ITM2C: variants seen among roughly 807,000 people sequenced by gnomAD.
ITM2C encodes the protein BRICHOS domain containing 2C.
A neutral mutation model predicts 30.0 loss-of-function variants in ITM2C; 20 were observed. The observed-to-expected ratio is 0.67, with a 90% CI of 0.47 to 0.97. The LOEUF is 0.97. Ranked by LOEUF, ITM2C falls within the 50% of genes least tolerant of loss-of-function variation. The pLI is 0.00. For synonymous variants in ITM2C, 167 were observed against 156.4 expected (o/e 1.07, Z -0.51); for missense variants, 366 against 371.9 (o/e 0.98, Z 0.13).
intron 2 of ITM2C, 55 bp from the exon 3 acceptor site, chr2:230,875,565 A>G: frequency 6.8e-7 from 1 of 1,470,840 alleles, no homozygotes; most frequent in Non-Finnish European, 9.2e-7. Flanking sequence ...GGCCTTACGG[A>G]GTGCGTGTAT....
At chr2:230,873,077 G>A (rs1697204651) in intron 1 of ITM2C, among the ~76,000 whole-genome samples, 1 of 151,978 alleles carries the variant, frequency 6.6e-6, no homozygotes, top group Non-Finnish European at 1.5e-5. Flanking sequence ...ATATACCACG[G>A]TCACGGCTGG....
intron 1 of ITM2C, among the ~76,000 whole-genome samples, chr2:230,870,414 AG>A (rs1190660203): frequency 6.6e-6 from 1 of 152,100 alleles, no homozygotes; most frequent in Non-Finnish European, 1.5e-5. Flanking sequence ...GGTGCCTCTG[AG>A]GGTTTGGCTC....
intron 2 of ITM2C, among the ~76,000 whole-genome samples, chr2:230,874,066 G>A (rs1697231904): frequency 6.6e-6 from 1 of 152,208 alleles, no homozygotes; most frequent in African/African-American, 2.4e-5. Flanking sequence ...GGGGACCTGG[G>A]CACAAAGCTG....
chr2:230,873,294 C>T (rs1697210351), intron 1 of ITM2C, 123 bp from the exon 2 acceptor site: 3 of 982,972 alleles, frequency 3.1e-6, no homozygotes, highest in Non-Finnish European at 4.2e-6. Context: ...GTGTCATCTC[C>T]TTCCCTCCCT....
intron 1 of ITM2C, among the ~76,000 whole-genome samples, chr2:230,871,593 AC>A (rs1351217077): frequency 6.6e-6 from 1 of 152,068 alleles, no homozygotes; most frequent in Non-Finnish European, 1.5e-5. Context: ...TGATCACGGG[AC>A]CCCTAAAGCA....
chr2:230,877,366 G>T lies in ITM2C; in HGVS notation c.562-34G>T, dbSNP rs368449912. ...GAGGGGTTGGACGAAAGCCTGAGGG[G>T]CCGACTCACTGTGGCGGCCACCTTG... is the stretch of plus-strand genomic sequence containing the variant. On this transcript the variant is annotated intron_variant, in intron 4 of 5. Coordinates refer to ENST00000326427, the MANE Select transcript of ITM2C (RefSeq NM_030926.6). The surrounding 1 kb of genome is among the most constrained non-coding windows in gnomAD (Gnocchi z 4.8). 1.3e-4 allele frequency: 213 copies of T among 1,608,840 alleles called. No homozygotes were observed. Among genetic ancestry groups the T allele is most frequent in the Non-Finnish European group, 1.7e-4 (200 of 1,176,940 alleles).
chr2:230,878,191 C>T lies in ITM2C; in HGVS notation c.*92C>T. On this transcript the variant is annotated 3_prime_UTR_variant, in exon 6 of 6. Transcript: ENST00000326427. This position sits in a 1 kb window ranked among gnomAD's most constrained non-coding sequence, Gnocchi z 4.5. ...CCTCCTTCCCCCTGCTTAGCTTGTA[C>T]TTTGGACGCGTTTCTATAGAGGTGA... The T allele has an allele frequency of 3.4e-6, 3 of 883,622 alleles. No homozygotes were observed. Among genetic ancestry groups the T allele is most frequent in the East Asian group, 5.5e-5 (2 of 36,222 alleles). The allele number at this position is 883,622 out of a possible 1,614,324, so 54.7% of individuals were successfully genotyped here. A position where few individuals can be genotyped will look rare whatever the true frequency, so the allele number is the denominator to read the frequency against.
At chr2:230,866,938 T>G (rs1261244772) in intron 1 of ITM2C, among the ~76,000 whole-genome samples, 1 of 152,224 alleles carries the variant, frequency 6.6e-6, no homozygotes, top group Non-Finnish European at 1.5e-5. Flanking sequence ...TTGGGCAGTC[T>G]GACAGAGACC....
intron 2 of ITM2C, among the ~76,000 whole-genome samples, chr2:230,874,801 A>T: frequency 6.6e-6 from 1 of 152,212 alleles, no homozygotes; most frequent in East Asian, 1.9e-4. Context: ...CCCCTCCAGA[A>T]GTAAGAGTGG....
At chr2:230,873,607 T>C in intron 2 of ITM2C, 50 bp downstream of exon 2, 1 of 1,531,544 alleles carries the variant, frequency 6.5e-7, no homozygotes, top group Non-Finnish European at 8.8e-7. Flanking sequence ...GGGTCATGTC[T>C]AGAGAGGCAT....
rs1404739890 is a variant in ITM2C, at chr2:230,865,094, G to T, written c.69G>T (p.Ala23=). The T allele has an allele frequency of 6.6e-7, 1 of 1,524,908 alleles. No individual in the cohort carries two copies. Among genetic ancestry groups the T allele is most frequent in the East Asian group, 2.6e-5 (1 of 38,242 alleles). The allele number at this position is 1,524,908 out of a possible 1,614,324, so 94.5% of individuals were successfully genotyped here. A position where few individuals can be genotyped will look rare whatever the true frequency, so the allele number is the denominator to read the frequency against. ...GCGACAAGGCTGACAAGGCGTCGGC[G>T]TCGGCCCCTGCGCCGGCCTCGGCCA... ...IKGDKADKAS[A]SAPAPASATE... is the part of the protein sequence containing the mutation. Residue 23 remains alanine, a synonymous_variant, in exon 1 of 6, where the codon GCG becomes GCT. Transcript: ENST00000326427. The surrounding 1 kb of genome is among the most constrained non-coding windows in gnomAD (Gnocchi z 6.8).
intron 1 of ITM2C, among the ~76,000 whole-genome samples, chr2:230,866,826 A>G (rs1482677943): frequency 3.3e-5 from 5 of 152,202 alleles, no homozygotes; most frequent in African/African-American, 7.2e-5. Flanking sequence ...AGGGAGGACC[A>G]GGTCAGACAG....
chr2:230,875,457 C>T (rs1472105903), intron 2 of ITM2C, among the ~76,000 whole-genome samples, 163 bp from the exon 3 acceptor site: 2 of 152,232 alleles, frequency 1.3e-5, no homozygotes, highest in Non-Finnish European at 2.9e-5. Flanking sequence ...GATGCCCCAC[C>T]GTCTCAGTTT....
At chr2:230,873,580 G>C in intron 2 of ITM2C, 23 bp downstream of exon 2, 1 of 1,586,562 alleles carries the variant, frequency 6.3e-7, no homozygotes, top group East Asian at 2.3e-5. Context: ...GCCAGGTAGG[G>C]GCAAGGCCTC....
In ITM2C at chr2:230,864,974, C is replaced by G; in HGVS notation, c.-52C>G. 1 of 1,398,144 alleles carries G rather than the reference C, an allele frequency of 7.2e-7. No homozygotes were observed. Among genetic ancestry groups the G allele is most frequent in the Non-Finnish European group, 9.4e-7 (1 of 1,064,750 alleles). 86.6% of individuals were successfully genotyped at this position (1,398,144 alleles called of 1,614,324 possible). On this transcript the variant is annotated 5_prime_UTR_variant, in exon 1 of 6. Coordinates refer to ENST00000326427, the MANE Select transcript of ITM2C (RefSeq NM_030926.6). This position sits in a 1 kb window ranked among gnomAD's most constrained non-coding sequence, Gnocchi z 4.3. Reference sequence around the variant, plus strand: ...GAGCTCGGAGCGGCGGAGGCAGAGACCGAGGCTGCACCGGCAGAGGCTGCG... The same window carrying G: ...GAGCTCGGAGCGGCGGAGGCAGAGAGCGAGGCTGCACCGGCAGAGGCTGCG...
chr2:230,877,700 T>G lies in ITM2C; in HGVS notation c.712+150T>G. The G allele has an allele frequency of 1.2e-6, 1 of 805,796 alleles. No homozygotes were observed. Among genetic ancestry groups the G allele is most frequent in the African/African-American group, 1.7e-5 (1 of 58,284 alleles). The allele number at this position is 805,796 out of a possible 1,614,324, so 49.9% of individuals were successfully genotyped here. On this transcript the variant is annotated intron_variant, in intron 5 of 5. Transcript: ENST00000326427. This position sits in a 1 kb window ranked among gnomAD's most constrained non-coding sequence, Gnocchi z 4.8. ...CACTTCCGTGTGCCGGGCAATGCTG[T>G]GTGCTCTTTATGACCTCTTAAGAGT...
chr2:230,867,508 C>T (rs576588364), intron 1 of ITM2C, among the ~76,000 whole-genome samples: 1 of 152,198 alleles, frequency 6.6e-6, no homozygotes, highest in Non-Finnish European at 1.5e-5. Context: ...GCTGCTTTCT[C>T]AGGGCAGGGC....
chr2:230,877,937 G>A lies in ITM2C; in HGVS notation c.713-71G>A. ...CACTTCCTGGCCCTCCTGTGGCTCAGGCTGAGGCTGGTGGTCTTTGTGACT... is the reference window on the plus strand; with the variant it reads ...CACTTCCTGGCCCTCCTGTGGCTCAAGCTGAGGCTGGTGGTCTTTGTGACT... On this transcript the variant is annotated intron_variant, in intron 5 of 5. Transcript: ENST00000326427. This position sits in a 1 kb window ranked among gnomAD's most constrained non-coding sequence, Gnocchi z 4.8. The A allele has an allele frequency of 7.9e-7, 1 of 1,263,856 alleles. No individual in the cohort carries two copies. The allele number at this position is 1,263,856 out of a possible 1,614,324, so 78.3% of individuals were successfully genotyped here.
chr2:230,872,088 C>T (rs1697180368), intron 1 of ITM2C, among the ~76,000 whole-genome samples: 2 of 152,240 alleles, frequency 1.3e-5, no homozygotes, highest in South Asian at 4.1e-4. Context: ...GTCTGACCTG[C>T]TCATTTTGCA....
Sources: allele counts gnomAD v4.1 joint callset (sites outside exome capture counted in the v4.1 genomes callset), GRCh38; gene constraint gnomAD v4.1.1; non-coding constraint Gnocchi (gnomAD v3.1); transcripts MANE v1.5; gene names NCBI Gene and HGNC (gene_info 2026-07-23, HGNC 2026-07-21).